The following EYS variants were observed in gnomAD, a reference collection of about 807,000 sequenced individuals.
EYS encodes the protein protein eyes shut homolog.
EYS carries 250 observed loss-of-function variants against 282.1 expected under a neutral mutation model. That is an observed-to-expected ratio of 0.89 (90% CI 0.80 to 0.98). EYS has a LOEUF of 0.98. Ranked by LOEUF, EYS falls within the 50% of genes least tolerant of loss-of-function variation. The pLI is 0.00. For synonymous variants in EYS, 1,355 were observed against 1,282.9 expected, an observed-to-expected ratio of 1.06 and a Z score of -1.20; for missense variants, 4,016 against 3,709.0, an observed-to-expected ratio of 1.08 and a Z score of -2.15.
intron 12 of EYS, among the ~76,000 whole-genome samples, chr6:65,124,027 T>C (rs904052843): frequency 1.3e-5 from 2 of 151,728 alleles, no homozygotes; most frequent in Non-Finnish European, 2.9e-5. Context: ...AGACAAAAAT[T>C]GGCAGGGCTG....
chr6:64,434,286 C>G (rs1467055327), intron 28 of EYS, among the ~76,000 whole-genome samples: 1 of 152,018 alleles, frequency 6.6e-6, no homozygotes, highest in African/African-American at 2.4e-5. Context: ...ATTAAATTGC[C>G]TGTAGAATAG....
intron 22 of EYS, among the ~76,000 whole-genome samples, chr6:64,788,526 G>A (rs952906762): frequency 2.0e-5 from 3 of 152,130 alleles, no homozygotes; most frequent in African/African-American, 7.2e-5. Flanking sequence ...GTGTATGTTT[G>A]TTGCGTGAGA....
At chr6:64,911,900 T>C (rs1483949234) in intron 16 of EYS, among the ~76,000 whole-genome samples, 1 of 152,156 alleles carries the variant, frequency 6.6e-6, no homozygotes, top group African/African-American at 2.4e-5. Context: ...TATTGGCTGA[T>C]ATGACCCAGA....
intron 28 of EYS, among the ~76,000 whole-genome samples, chr6:64,392,182 C>T (rs1737490381): frequency 6.6e-6 from 1 of 150,702 alleles, no homozygotes; most frequent in South Asian, 2.1e-4. Flanking sequence ...TAATGGGAGA[C>T]TTTAACACCC....
intron 1 of EYS, among the ~76,000 whole-genome samples, chr6:65,691,377 C>T (rs545036309): frequency 2.7e-5 from 4 of 150,264 alleles, no homozygotes; most frequent in Non-Finnish European, 4.4e-5. Context: ...GCATAAATAT[C>T]TTCTTTTGAG....
In EYS at chr6:64,447,674, T is replaced by G. The variant is rs375015660; in HGVS notation, c.5645-8322A>C. ...AATCAATAATACTGAAATTAAAAGC[T>G]AGACTACAGAGTTTAAGATTTGCAG... On this transcript the variant is annotated intron_variant, in intron 26 of 42. Transcript: ENST00000503581. Among the ~76,000 whole-genome samples the G allele has an allele frequency of 3.3e-5, 5 of 152,296 alleles. No homozygotes were observed. In the East Asian group the frequency reaches 9.6e-4, roughly 29 times the overall value.
chr6:65,231,891 A>G (rs1766792627), intron 12 of EYS, among the ~76,000 whole-genome samples: 1 of 151,936 alleles, frequency 6.6e-6, no homozygotes, highest in Admixed American at 6.6e-5. Flanking sequence ...GTGGTTGAAA[A>G]AGATATAAAG....
intron 24 of EYS, among the ~76,000 whole-genome samples, chr6:64,611,537 C>G (rs1320654934): frequency 6.6e-6 from 1 of 152,130 alleles, no homozygotes; most frequent in Non-Finnish European, 1.5e-5. Flanking sequence ...TTGTCTCTTC[C>G]ATACAGCTGA....
At chr6:64,156,010 G>A (rs1373433864) in intron 31 of EYS, among the ~76,000 whole-genome samples, 4 of 149,852 alleles carry the variant, frequency 2.7e-5, no homozygotes, top group African/African-American at 1.0e-4. Context: ...GTGTGTGTAT[G>A]TGTGTATGTT....
At chr6:64,301,337 T>A (rs1020265001) in intron 30 of EYS, among the ~76,000 whole-genome samples, 1 of 152,148 alleles carries the variant, frequency 6.6e-6, no homozygotes. Context: ...TTAACTCCTG[T>A]GGCAAAAAGG....
intron 28 of EYS, among the ~76,000 whole-genome samples, chr6:64,412,000 A>G (rs1310701823): frequency 1.2e-5 from 1 of 85,180 alleles, no homozygotes; most frequent in African/African-American, 3.7e-5. Flanking sequence ...AATGTGTATT[A>G]GTAAAATCTG....
intron 2 of EYS, among the ~76,000 whole-genome samples, chr6:65,630,079 A>C (rs1360753653): frequency 1.3e-5 from 2 of 152,216 alleles, no homozygotes; most frequent in African/African-American, 2.4e-5. Flanking sequence ...ATCAAGGAAT[A>C]CACTTCCAGT....
At chr6:64,701,105 A>AAACATACACTG (rs1770771279) in intron 22 of EYS, among the ~76,000 whole-genome samples, 1 of 152,078 alleles carries the variant, frequency 6.6e-6, no homozygotes, top group African/African-American at 2.4e-5. Flanking sequence ...AAGCTGATGA[A>AAACATACACTG]AACATACACT....
intron 33 of EYS, among the ~76,000 whole-genome samples, chr6:64,046,956 C>T (rs549534748): frequency 6.6e-6 from 1 of 152,270 alleles, no homozygotes; most frequent in South Asian, 2.1e-4. Context: ...GAGCAGAGGT[C>T]AGGCTTAGCT....
chr6:65,500,472 A>G (rs950759476), intron 2 of EYS, among the ~76,000 whole-genome samples: 1 of 151,994 alleles, frequency 6.6e-6, no homozygotes, highest in African/African-American at 2.4e-5. Flanking sequence ...TGGTCAGTTG[A>G]TGCTATAAGC....
chr6:65,217,399 A>G (rs1389095106), intron 12 of EYS, among the ~76,000 whole-genome samples: 1 of 152,090 alleles, frequency 6.6e-6, no homozygotes, highest in African/African-American at 2.4e-5. Flanking sequence ...TACATTAGAA[A>G]TTATATGATC....
intron 35 of EYS, among the ~76,000 whole-genome samples, chr6:63,934,767 GA>G (rs1765006463): frequency 8.3e-6 from 1 of 120,568 alleles, no homozygotes; most frequent in Non-Finnish European, 1.7e-5. Flanking sequence ...GGGGAGGGGG[GA>G]GGGTTAGCAT....
At chr6:64,231,029 C>A (rs1214929224) in intron 30 of EYS, among the ~76,000 whole-genome samples, 1 of 152,064 alleles carries the variant, frequency 6.6e-6, no homozygotes, top group East Asian at 1.9e-4. Context: ...CATAACATGA[C>A]CCTGTAGTAG....
intron 26 of EYS, among the ~76,000 whole-genome samples, chr6:64,470,028 G>T (rs540045258): frequency 6.6e-6 from 1 of 152,038 alleles, no homozygotes; most frequent in Non-Finnish European, 1.5e-5. Context: ...CAATGGACAC[G>T]TGACCCACGT....
Sources: allele counts gnomAD v4.1 joint callset (sites outside exome capture counted in the v4.1 genomes callset), GRCh38; gene constraint gnomAD v4.1.1; transcripts MANE v1.5; gene names NCBI Gene and HGNC (gene_info 2026-07-23, HGNC 2026-07-21).